Variants in GRID2 observed in about 807,000 individuals in gnomAD.
GRID2 encodes glutamate receptor ionotropic, delta-2.
GRID2 carries 33 observed loss-of-function variants against 114.8 expected under a neutral mutation model. The observed-to-expected ratio is 0.29, with a 90% CI of 0.22 to 0.38. The LOEUF (loss-of-function observed/expected upper bound fraction) is 0.38. Among genes scored for constraint, GRID2 ranks in the 10% least tolerant of loss-of-function variants. The pLI is 1.00. For missense variants in GRID2, 1,184 were observed against 1,257.7 expected (o/e 0.94, Z 0.89); for synonymous variants, 505 against 449.9 (o/e 1.12, Z -1.55).
At chr4:92,361,796 C>T (rs538714636) in intron 1 of GRID2, among the ~76,000 whole-genome samples, 16 of 152,080 alleles carry the variant, frequency 1.1e-4, no homozygotes, top group East Asian at 5.8e-4. Flanking sequence ...ATCTGGGCTT[C>T]TGGCTTCCAT....
chr4:92,922,316 T>G (rs1749426375), intron 2 of GRID2, among the ~76,000 whole-genome samples: 1 of 152,286 alleles, frequency 6.6e-6, no homozygotes, highest in Non-Finnish European at 1.5e-5. Flanking sequence ...TGACTCACCC[T>G]GCTTCGGCTC....
rs1016907417 is a variant in GRID2, at chr4:92,968,322, A to C, written c.245-116673A>C. On this transcript the variant is annotated intron_variant, in intron 2 of 15. Transcript: ENST00000282020. ...TTAAAACTCAGGCTTTATTTAAAAA[A>C]ATAGTATCACTATTTGTTGAGAGAC... 3.3e-5 allele frequency among the ~76,000 whole-genome samples: 5 copies of C among 152,024 alleles called. No homozygotes were observed. The South Asian group carries it at 1.0e-3, about 31-fold the overall frequency.
chr4:93,662,970 T>G (rs1723625496), intron 14 of GRID2, among the ~76,000 whole-genome samples: 2 of 152,160 alleles, frequency 1.3e-5, no homozygotes, highest in South Asian at 4.1e-4. Context: ...GGAAGGCAAG[T>G]CCCTTACAAG....
At chr4:92,754,041 G>A (rs549423011) in intron 2 of GRID2, among the ~76,000 whole-genome samples, 7 of 152,172 alleles carry the variant, frequency 4.6e-5, no homozygotes, top group Admixed American at 2.6e-4. Flanking sequence ...CAAACACATC[G>A]TTTACATATT....
intron 1 of GRID2, among the ~76,000 whole-genome samples, chr4:92,307,805 A>T (rs1725485371): frequency 6.6e-6 from 1 of 152,210 alleles, no homozygotes; most frequent in Non-Finnish European, 1.5e-5. Flanking sequence ...AAAATGAATC[A>T]CTTCCATTGT....
chr4:93,387,121 G>C (rs1248276183), intron 8 of GRID2, among the ~76,000 whole-genome samples: 1 of 152,024 alleles, frequency 6.6e-6, no homozygotes, highest in Non-Finnish European at 1.5e-5. Flanking sequence ...TTCCTTGAGA[G>C]GATTTCTAGG....
At chr4:93,698,500 T>C (rs1274464980) in intron 14 of GRID2, among the ~76,000 whole-genome samples, 1 of 152,048 alleles carries the variant, frequency 6.6e-6, no homozygotes, top group Non-Finnish European at 1.5e-5. Flanking sequence ...GAGAGTAGAA[T>C]GTACTAACTG....
At chr4:93,351,599 T>C (rs1579779954) in intron 8 of GRID2, among the ~76,000 whole-genome samples, 1 of 152,102 alleles carries the variant, frequency 6.6e-6, no homozygotes, top group Non-Finnish European at 1.5e-5. Context: ...CTTTGTTTCA[T>C]GAAAATGGAG....
intron 1 of GRID2, among the ~76,000 whole-genome samples, chr4:92,393,504 G>C (rs1730347756): frequency 6.6e-6 from 1 of 152,076 alleles, no homozygotes; most frequent in Non-Finnish European, 1.5e-5. Flanking sequence ...AATATAGTTG[G>C]ATTTAGAAAT....
At chr4:92,462,308 A>T (rs1380387491) in intron 1 of GRID2, among the ~76,000 whole-genome samples, 2 of 152,020 alleles carry the variant, frequency 1.3e-5, no homozygotes, top group Non-Finnish European at 2.9e-5. Context: ...ATTGTATGCT[A>T]CTCAAGCAGG....
At chr4:92,774,838 C>T (rs910146837) in intron 2 of GRID2, among the ~76,000 whole-genome samples, 1 of 152,018 alleles carries the variant, frequency 6.6e-6, no homozygotes, top group Non-Finnish European at 1.5e-5. Context: ...TCAAGCAATC[C>T]TCTCACCATG....
chr4:92,862,606 A>G (rs1229783337), intron 2 of GRID2, among the ~76,000 whole-genome samples: 1 of 152,068 alleles, frequency 6.6e-6, no homozygotes, highest in African/African-American at 2.4e-5. Context: ...CTGTGCCATC[A>G]CCAACTATAA....
intron 2 of GRID2, among the ~76,000 whole-genome samples, chr4:93,025,410 T>G (rs201226751): frequency 2.6e-5 from 4 of 151,894 alleles, no homozygotes; most frequent in African/African-American, 9.6e-5. Context: ...TAGCCAGTAA[T>G]GTAGGACCCT....
chr4:92,844,717 A>AG (rs1374162229), intron 2 of GRID2, among the ~76,000 whole-genome samples: 8 of 151,774 alleles, frequency 5.3e-5, no homozygotes, highest in Middle Eastern at 6.8e-3. Context: ...AAAAAAAAAA[A>AG]AAAGAAAGAA....
chr4:93,303,203 C>T (rs891293029), intron 8 of GRID2, among the ~76,000 whole-genome samples: 4 of 152,200 alleles, frequency 2.6e-5, no homozygotes, highest in Non-Finnish European at 4.4e-5. Flanking sequence ...AATCACCTCC[C>T]TCCAGGCACC....
intron 4 of GRID2, among the ~76,000 whole-genome samples, chr4:93,148,393 A>G (rs1042126437): frequency 1.3e-5 from 2 of 152,180 alleles, no homozygotes; most frequent in African/African-American, 4.8e-5. Flanking sequence ...CCATACATAG[A>G]AGACAAAAAT....
intron 2 of GRID2, among the ~76,000 whole-genome samples, chr4:92,698,888 A>G (rs1372653463): frequency 6.6e-6 from 1 of 152,178 alleles, no homozygotes; most frequent in African/African-American, 2.4e-5. Context: ...AAAACTACGT[A>G]CAGAATATAG....
chr4:92,664,514 TA>T lies in GRID2; in HGVS notation c.244+74229del, dbSNP rs1732673887. Among the ~76,000 whole-genome samples the T allele has an allele frequency of 2.0e-5, 3 of 151,248 alleles. No homozygotes were observed. The Admixed American group carries it at 2.0e-4, about 10-fold the overall frequency. On this transcript the variant is annotated intron_variant, in intron 2 of 15. Coordinates refer to ENST00000282020, the MANE Select transcript of GRID2 (RefSeq NM_001510.4). ...CTCATGTGCAGTTAAGAAGAATGGG[TA>T]TTCTATTGTTGTTGGGTATCATGTT...
chr4:93,543,710 T>TAGAGATAGAGAGAGAGAGAGAG (rs1732888386), intron 13 of GRID2, among the ~76,000 whole-genome samples: 4 of 133,494 alleles, frequency 3.0e-5, no homozygotes, highest in African/African-American at 1.2e-4. Context: ...GAGTGAGAGA[T>TAGAGATAGAGAGAGAGAGAGAG]AGAGAGAGAG....
Sources: allele counts gnomAD v4.1 joint callset (sites outside exome capture counted in the v4.1 genomes callset), GRCh38; gene constraint gnomAD v4.1.1; transcripts MANE v1.5; gene names NCBI Gene and HGNC (gene_info 2026-07-23, HGNC 2026-07-21).